The following IFT172 variants were observed in gnomAD, a reference collection of about 807,000 sequenced individuals.
The protein encoded by IFT172 is intraflagellar transport protein 172 homolog.
Under a neutral mutation model 248.9 loss-of-function variants are expected in IFT172, and 164 were observed. The observed-to-expected ratio is 0.66, with a 90% CI of 0.58 to 0.75. The LOEUF (loss-of-function observed/expected upper bound fraction) is 0.75. Among genes scored for constraint, IFT172 ranks in the 30% least tolerant of loss-of-function variants. The pLI is 0.00. For missense variants in IFT172, 1,950 were observed against 2,192.4 expected (o/e 0.89, Z 2.21); for synonymous variants, 729 against 791.6 (o/e 0.92, Z 1.33).
intron 1 of IFT172, 139 bp from the exon 2 acceptor site, chr2:27,485,642 G>T: frequency 1.0e-6 from 1 of 997,314 alleles, no homozygotes; most frequent in Non-Finnish European, 1.5e-6. Context: ...AGAGATGCCT[G>T]TGGCCCATGC....
At chr2:27,487,727 G>C (rs1422607972) in intron 1 of IFT172, among the ~76,000 whole-genome samples, 1 of 151,986 alleles carries the variant, frequency 6.6e-6, no homozygotes, top group Non-Finnish European at 1.5e-5. Context: ...CGAGTAGCTG[G>C]GATTACAGGC....
intron 14 of IFT172, among the ~76,000 whole-genome samples, chr2:27,475,156 C>T (rs916622042): frequency 1.2e-4 from 18 of 152,090 alleles, no homozygotes; most frequent in Non-Finnish European, 1.8e-4. Context: ...ATATATATCA[C>T]GTTTAAGCCA....
rs1370813219 is a variant in IFT172 at position 27,462,860 on chromosome 2, T to C, written c.2023-67A>G. 3.4e-6 allele frequency: 5 copies of C among 1,473,032 alleles called. No homozygotes were observed. The African/African-American group carries it at 4.2e-5, about 12-fold the overall frequency. The allele number at this position is 1,473,032 out of a possible 1,614,324, so 91.2% of individuals were successfully genotyped here. A position where few individuals can be genotyped will look rare whatever the true frequency, so the allele number is the denominator to read the frequency against. On this transcript the variant is annotated intron_variant, in intron 19 of 47. Coordinates refer to ENST00000260570, the MANE Select transcript of IFT172 (RefSeq NM_015662.3). ...GCCATTCTGTCTGTGAGGGCTGAAA[T>C]TGGAAGGCCAGAAGGATGTAGAAAA...
rs1665484593 is a variant in IFT172, at chr2:27,449,767, T to C, written c.4084A>G (p.Lys1362Glu). Residue 1362 changes from lysine (K) to glutamate (E), a missense_variant, in exon 37 of 48, where the codon AAG (lysine) becomes GAG (glutamate). Around this residue, in one of 3 missense-constraint regions of IFT172, gnomAD observed 620 missense variants for 699.0 expected, o/e 0.89. Coordinates refer to ENST00000260570, the MANE Select transcript of IFT172 (RefSeq NM_015662.3). The stretch of plus-strand genomic sequence containing the variant: ...TCGATGAAAGCATCGATTGCTTCCT[T>C]GACAAGGTCCAGATTCAGATAGAGC... ...AELYLNLDLV[K>E]EAIDAFIEGE... 6.2e-7 allele frequency: 1 copy of C among 1,613,918 alleles called. No homozygotes were observed. Among genetic ancestry groups the C allele is most frequent in the South Asian group, 1.1e-5 (1 of 91,062 alleles).
At chr2:27,455,572 G>A (rs542074072) in intron 30 of IFT172, 13 of 210,116 alleles carry the variant, frequency 6.2e-5, no homozygotes, top group Middle Eastern at 1.9e-3. Flanking sequence ...TTAGCCGGGC[G>A]TGGTGGCGGG....
At position 27,472,360 on chromosome 2, in the gene IFT172, C is replaced by T. The variant is rs747544155; in HGVS notation, c.1414G>A (p.Asp472Asn). ...LIDIKTIAIV[D>N]LIGGYNIGTV... is the part of the protein sequence containing the mutation. ...CCAATGTTGTAGCCACCAATCAGAT[C>T]CACTATAGAATAAAGGAGACAGGGT... Residue 472 changes from aspartate (D) to asparagine (N), a missense_variant and splice_region_variant, in exon 15 of 48, where the codon GAT becomes AAT. Physicochemically the swap from Asp to Asn is conservative, Grantham distance 23. Coordinates refer to ENST00000260570, the MANE Select transcript of IFT172 (RefSeq NM_015662.3). 7.8e-5 allele frequency: 126 copies of T among 1,612,684 alleles called. No homozygotes were observed. The highest frequency in any genetic ancestry group is 5.8e-4 in the South Asian group (53 of 91,008).
Position 27,454,109 on chromosome 2 carries a change from T to A in IFT172, c.3584A>T (p.Asp1195Val), listed in dbSNP as rs1665955730. Residue 1195 changes from aspartate (D) to valine (V), a missense_variant, in exon 33 of 48, where the codon GAC becomes GTC. Physicochemically the swap from Asp to Val is radical, Grantham distance 152. This residue lies in a region of IFT172 where 620 missense variants were observed against 699.0 expected (regional missense o/e 0.89). Transcript: ENST00000260570. This position sits in a 1 kb window ranked among gnomAD's most constrained non-coding sequence, Gnocchi z 4.2. ...EAAQRVAEAH[D>V]PDSVAEVLVG... ...AAGCACCTCGGCGACACTGTCAGGGTCGTGAGCCTCAGCCACACGCTGAGC... is the reference window on the plus strand; with the variant it reads ...AAGCACCTCGGCGACACTGTCAGGGACGTGAGCCTCAGCCACACGCTGAGC... 3 of 1,613,854 alleles carry A rather than the reference T, an allele frequency of 1.9e-6. No homozygotes were observed. Among genetic ancestry groups the A allele is most frequent in the Non-Finnish European group, 2.5e-6 (3 of 1,179,936 alleles).
In IFT172 at chr2:27,470,970, G is replaced by A. The variant is rs781532210; in HGVS notation, c.1650C>T (p.Tyr550=). 3 of 1,612,872 alleles carry A rather than the reference G, an allele frequency of 1.9e-6. No individual in the cohort carries two copies. The South Asian group carries it at 3.3e-5, about 18-fold the overall frequency. ...TGACTCTCTCAGGTGCCTCAATGTT[G>A]TACCATACACACAGACTGTTTCGGT... ...AQNRNSLCVW[Y]NIEAPERVTM... Residue 550 remains tyrosine (Y), a synonymous_variant, in exon 16 of 48, where the codon TAC becomes TAT. Coordinates refer to ENST00000260570, the MANE Select transcript of IFT172 (RefSeq NM_015662.3).
chr2:27,453,527 A>C lies in IFT172; in HGVS notation c.3822-14T>G. The C allele has an allele frequency of 6.2e-7, 1 of 1,613,150 alleles. No individual in the cohort carries two copies. The highest frequency in any genetic ancestry group is 8.5e-7 in the Non-Finnish European group (1 of 1,179,236). On this transcript the variant is annotated splice_polypyrimidine_tract_variant and intron_variant, in intron 34 of 47. Coordinates refer to ENST00000260570, the MANE Select transcript of IFT172 (RefSeq NM_015662.3). ...CCCTCCACACCCCTGTGGAGATGAGAGCGCTGGGACTTGGCATGGTAGGGG... is the reference window on the plus strand; with the variant it reads ...CCCTCCACACCCCTGTGGAGATGAGCGCGCTGGGACTTGGCATGGTAGGGG...
chr2:27,480,037 G>A lies in IFT172; in HGVS notation c.898C>T (p.Arg300Trp), dbSNP rs1213575384. 8.7e-6 allele frequency: 14 copies of A among 1,613,768 alleles called. No homozygotes were observed. The highest frequency in any genetic ancestry group is 3.3e-5 in the South Asian group (3 of 91,044). Residue 300 changes from arginine to tryptophan, a missense_variant, in exon 9 of 48, where the codon CGG becomes TGG. Physicochemically the swap from Arg to Trp is moderately radical, Grantham distance 101. Transcript: ENST00000260570. ...TALAWKRDGSRLCVGTLCGGV... is the reference protein window; with the variant it reads ...TALAWKRDGSWLCVGTLCGGV... ...TACTAGTAACACACCACACAGAGCC[G>A]TGAGCCATCCCGCTTCCAGGCCAAG...
At chr2:27,470,668 T>A (rs1667495656) in intron 16 of IFT172, 1 of 343,728 alleles carries the variant, frequency 2.9e-6, no homozygotes, top group South Asian at 1.2e-4. Context: ...TCTTCCAGCC[T>A]ACAGGGATCT....
intron 10 of IFT172, 72 bp from the exon 11 acceptor site, chr2:27,478,228 G>A: frequency 6.3e-7 from 1 of 1,582,132 alleles, no homozygotes. Context: ...CATGACCTTT[G>A]CCCACCTCCA....
At chr2:27,488,051 C>T (rs1208793403) in intron 1 of IFT172, among the ~76,000 whole-genome samples, 2 of 152,128 alleles carry the variant, frequency 1.3e-5, no homozygotes, top group Non-Finnish European at 2.9e-5. Flanking sequence ...GGTGTGATCA[C>T]GTCTCACTGC....
rs200867341 is a variant in IFT172 at position 27,456,568 on chromosome 2, C to A, written c.3314G>T (p.Arg1105Ile). Residue 1105 changes from arginine to isoleucine, a missense_variant, in exon 30 of 48, where the codon AGA becomes ATA. Around this residue, in one of 3 missense-constraint regions of IFT172, gnomAD observed 164 missense variants for 239.3 expected, o/e 0.69. Coordinates refer to ENST00000260570, the MANE Select transcript of IFT172 (RefSeq NM_015662.3). ...CAGGAGTCCCAGCTTATTAAGCAGT[C>A]TAACTGCAGCCTCTCCTCCCAGGCT... ...AKSLGGEAAV[R>I]LLNKLGLLEA... 1 of 1,614,160 alleles carries A rather than the reference C, an allele frequency of 6.2e-7. No individual in the cohort carries two copies.
chr2:27,451,830 A>C (rs1485848241), intron 35 of IFT172, among the ~76,000 whole-genome samples: 1 of 152,144 alleles, frequency 6.6e-6, no homozygotes, highest in Non-Finnish European at 1.5e-5. Flanking sequence ...GAAATTTTGC[A>C]GGGGCATCAC....
intron 41 of IFT172, 46 bp downstream of exon 41, chr2:27,447,764 GAA>G (rs1214472118): frequency 2.5e-6 from 4 of 1,595,442 alleles, no homozygotes; most frequent in Non-Finnish European, 3.4e-6. Flanking sequence ...GTGCATCAAA[GAA>G]GAGATGAGGA....
chr2:27,457,429 G>T (rs574286603), intron 29 of IFT172, among the ~76,000 whole-genome samples: 5 of 152,296 alleles, frequency 3.3e-5, no homozygotes, highest in African/African-American at 1.2e-4. Flanking sequence ...AAATTAGCCA[G>T]CTGTGGTGGT....
Position 27,445,405 on chromosome 2 carries a change from G to A in IFT172, c.4959C>T (p.Ser1653=), listed in dbSNP as rs1664976615. Residue 1653 remains serine, a synonymous_variant, in exon 46 of 48, where the codon TCC becomes TCT. Transcript: ENST00000260570. The surrounding 1 kb of genome is among the most constrained non-coding windows in gnomAD (Gnocchi z 4.4). The part of the protein sequence containing the change: ...EEVRDWVLTV[S]MDQRLEQVLP... ...GAACCTGCTCCAGCCGCTGGTCCAT[G>A]GAGACTGTAAGCACCCAGTCTCGAA... is the stretch of plus-strand genomic sequence containing the variant. 1 of 1,612,366 alleles carries A rather than the reference G, an allele frequency of 6.2e-7. No individual in the cohort carries two copies. The highest frequency in any genetic ancestry group is 1.3e-5 in the African/African-American group (1 of 74,810).
intron 35 of IFT172, among the ~76,000 whole-genome samples, chr2:27,450,580 G>A (rs1423609166): frequency 1.3e-5 from 2 of 152,082 alleles, no homozygotes; most frequent in Non-Finnish European, 2.9e-5. Context: ...AGTACATGTT[G>A]AAATGGTAGT....
Sources: gnomAD v4.1 joint callset for allele counts (sites outside exome capture counted in the v4.1 genomes callset) on GRCh38, gnomAD v4.1.1 for gene constraint, gnomAD v4.1.1 regional missense constraint, Gnocchi (gnomAD v3.1) non-coding constraint, MANE v1.5 for transcripts, NCBI Gene and HGNC (gene_info 2026-07-23, HGNC 2026-07-21) for gene names.